DMXL1: variants seen among roughly 807,000 people sequenced by gnomAD.
DMXL1 encodes the protein dmX-like protein 1.
In DMXL1, 99 loss-of-function variants were observed where a neutral mutation model predicts 319.2. The ratio of observed to expected loss-of-function variants is 0.31; its 90% CI spans 0.26 to 0.37. DMXL1 has a LOEUF of 0.37. Ranked by LOEUF, DMXL1 falls within the 10% of genes least tolerant of loss-of-function variation. DMXL1 has a pLI of 1.00. For synonymous variants in DMXL1, 1,385 were observed against 1,235.2 expected, an observed-to-expected ratio of 1.12 and a Z score of -2.54; for missense variants, 3,745 against 3,595.6, an observed-to-expected ratio of 1.04 and a Z score of -1.06.
chr5:119,089,299 T>TGC (rs1561549898), intron 1 of DMXL1, among the ~76,000 whole-genome samples: 45 of 84,702 alleles, frequency 5.3e-4, no homozygotes, highest in Admixed American at 4.3e-3. Context: ...TATATTTTTT[T>TGC]TTTTTTTTTT....
In DMXL1 at chr5:119,177,340, T is replaced by C. The variant is rs1775996825; in HGVS notation, c.6759-17T>C. 2.8e-6 allele frequency: 4 copies of C among 1,446,808 alleles called. No homozygotes were observed. Among genetic ancestry groups the C allele is most frequent in the Middle Eastern group, 1.8e-4 (1 of 5,542 alleles). The allele number at this position is 1,446,808 out of a possible 1,614,324, so 89.6% of individuals were successfully genotyped here. On this transcript the variant is annotated splice_polypyrimidine_tract_variant and intron_variant, in intron 26 of 43. Coordinates refer to ENST00000539542, the MANE Select transcript of DMXL1 (RefSeq NM_001290321.3). Reference sequence around the variant, plus strand: ...ATAAAATTTATCATAGATTTAAATATTGTTTTTTTCTCTTAGTTCATTTCA... The same window carrying C: ...ATAAAATTTATCATAGATTTAAATACTGTTTTTTTCTCTTAGTTCATTTCA...
intron 17 of DMXL1, 130 bp from the exon 18 acceptor site, chr5:119,148,608 AC>A: frequency 2.3e-6 from 2 of 857,954 alleles, no homozygotes; most frequent in Non-Finnish European, 1.8e-6. Flanking sequence ...TAAAAAACAT[AC>A]AGCCAAGATG....
intron 4 of DMXL1, among the ~76,000 whole-genome samples, chr5:119,109,074 T>G (rs1300357214): frequency 2.0e-4 from 30 of 152,194 alleles, no homozygotes; most frequent in Admixed American, 2.0e-3. Flanking sequence ...GTGCTGGGAT[T>G]GCAGGTGTGA....
chr5:119,116,267 T>C lies in DMXL1; in HGVS notation c.674T>C (p.Phe225Ser). The change falls in exon 7 of 44, where the codon TTT becomes TCT. Residue 225 changes from phenylalanine (F) to serine (S), a missense_variant. Phe to Ser is a radical substitution (Grantham distance 155). Coordinates refer to ENST00000539542, the MANE Select transcript of DMXL1 (RefSeq NM_001290321.3). The part of the protein sequence containing the change: ...KQSQGEIDFS[F>S]VYLAHPRAVN... ...TCCCAAGGAGAAATTGACTTTTCTTTTGTGTATCTGGCCCATCCTCGAGCA... is the reference window on the plus strand; with the variant it reads ...TCCCAAGGAGAAATTGACTTTTCTTCTGTGTATCTGGCCCATCCTCGAGCA... The C allele has an allele frequency of 6.2e-7, 1 of 1,614,094 alleles. No homozygotes were observed. Among genetic ancestry groups the C allele is most frequent in the South Asian group, 1.1e-5 (1 of 91,070 alleles).
intron 18 of DMXL1, 140 bp downstream of exon 18, chr5:119,150,561 G>C (rs929225070): frequency 3.2e-6 from 3 of 925,498 alleles, no homozygotes; most frequent in Admixed American, 6.2e-5. Flanking sequence ...GGCTGAGGCA[G>C]GAGGATCACT....
At chr5:119,144,132 A>T (rs1213141592) in intron 14 of DMXL1, among the ~76,000 whole-genome samples, 1 of 151,826 alleles carries the variant, frequency 6.6e-6, no homozygotes, top group Non-Finnish European at 1.5e-5. Flanking sequence ...TATCCTCATT[A>T]CTATATTCAC....
Position 119,129,213 on chromosome 5 carries a change from A to T in DMXL1, c.1105A>T (p.Ile369Phe). Residue 369 changes from isoleucine to phenylalanine, a missense_variant and splice_region_variant, in exon 10 of 44, where the codon ATT (isoleucine) becomes TTT (phenylalanine). This residue lies in a region of DMXL1 where 2,096 missense variants were observed against 1,985.4 expected (regional missense o/e 1.06). Transcript: ENST00000539542. ...IAASINPATD[I>F]PLLPSITSLS... Reference sequence around the variant, plus strand: ...TTTATCTTTTTTTTCTCTTATAGACATTCCACTTCTTCCATCTATTACATC... The same window carrying T: ...TTTATCTTTTTTTTCTCTTATAGACTTTCCACTTCTTCCATCTATTACATC... The T allele has an allele frequency of 6.3e-7, 1 of 1,599,094 alleles. No homozygotes were observed. The highest frequency in any genetic ancestry group is 8.5e-7 in the Non-Finnish European group (1 of 1,171,564).
chr5:119,172,332 C>T lies in DMXL1; in HGVS notation c.6681+363C>T, dbSNP rs184084410. On this transcript the variant is annotated intron_variant, in intron 25 of 43. Transcript: ENST00000539542. ...TAATGTAAAGGCACTAATATGTAAA[C>T]GAAGTTTTCCCTTGTTAATACTAAA... Among the ~76,000 whole-genome samples the T allele has an allele frequency of 3.7e-4, 57 of 152,170 alleles. No individual in the cohort carries two copies. The East Asian group carries it at 8.9e-3, about 24-fold the overall frequency.
chr5:119,072,978 GA>G (rs1448442923), intron 1 of DMXL1, among the ~76,000 whole-genome samples: 4 of 152,158 alleles, frequency 2.6e-5, no homozygotes, highest in African/African-American at 9.7e-5. Context: ...TTCCTAGTGG[GA>G]AATTATAGGA....
chr5:119,146,926 T>G lies in DMXL1; in HGVS notation c.2659T>G (p.Leu887Val), dbSNP rs766980914. 6 of 1,612,512 alleles carry G rather than the reference T, an allele frequency of 3.7e-6. No homozygotes were observed. Among genetic ancestry groups the G allele is most frequent in the Non-Finnish European group, 5.1e-6 (6 of 1,179,152 alleles). Residue 887 changes from leucine (L) to valine (V), a missense_variant, in exon 16 of 44, where the codon TTA (leucine) becomes GTA (valine). Transcript: ENST00000539542. ...DNRSLLHMWN[L>V]HLKSIPVSLD... ...CCGTTCACTGTTACACATGTGGAATTTACATCTAAAGTCAATTCCTGTCTC... is the reference window on the plus strand; with the variant it reads ...CCGTTCACTGTTACACATGTGGAATGTACATCTAAAGTCAATTCCTGTCTC...
At chr5:119,122,337 A>G (rs1344293359) in intron 9 of DMXL1, among the ~76,000 whole-genome samples, 34 of 139,106 alleles carry the variant, frequency 2.4e-4, no homozygotes, top group African/African-American at 7.7e-4. Context: ...TCCCTCCCGG[A>G]GGGGGCGGCT....
At chr5:119,159,078 T>C (rs941197890) in intron 19 of DMXL1, among the ~76,000 whole-genome samples, 1 of 152,202 alleles carries the variant, frequency 6.6e-6, no homozygotes, top group South Asian at 2.1e-4. Flanking sequence ...TTTAGTAGAA[T>C]TCACCGGTGA....
rs1205429502 is a variant in DMXL1, at chr5:119,103,852, G to A, written c.286-1328G>A. 3.9e-5 allele frequency among the ~76,000 whole-genome samples: 6 copies of A among 152,264 alleles called. No individual in the cohort carries two copies. The East Asian group carries it at 1.2e-3, about 29-fold the overall frequency. ...TAAAATGCCTTTATTGGGAAGGATA[G>A]AATAGAGAATTTCAATGTTTGCCCA... On this transcript the variant is annotated intron_variant, in intron 3 of 43. Transcript: ENST00000539542.
In DMXL1 at chr5:119,225,183, T is replaced by C. The variant is rs566824087; in HGVS notation, c.8338+414T>C. Among the ~76,000 whole-genome samples the C allele has an allele frequency of 2.6e-5, 4 of 152,164 alleles. No homozygotes were observed. In the East Asian group the frequency reaches 7.7e-4, roughly 29 times the overall value. The stretch of plus-strand genomic sequence containing the variant: ...TACATAAGCCACAACCGTACCTCAA[T>C]TATTTATTACCTCATCGTACTCAGT... On this transcript the variant is annotated intron_variant, in intron 38 of 43. Transcript: ENST00000539542.
intron 2 of DMXL1, among the ~76,000 whole-genome samples, chr5:119,099,888 C>G (rs1432448031): frequency 2.0e-5 from 3 of 152,096 alleles, no homozygotes; most frequent in East Asian, 1.9e-4. Flanking sequence ...GTAGTCCTAG[C>G]TACCCGGGAA....
chr5:119,229,600 T>A (rs1158948894), intron 38 of DMXL1, among the ~76,000 whole-genome samples: 1 of 152,202 alleles, frequency 6.6e-6, no homozygotes. Context: ...AGGACAAAAA[T>A]TATTCTTTTT....
chr5:119,114,948 G>A (rs1760511938), intron 6 of DMXL1, among the ~76,000 whole-genome samples: 1 of 152,146 alleles, frequency 6.6e-6, no homozygotes, highest in East Asian at 1.9e-4. Context: ...GATTATAGGC[G>A]TGAGCCACCA....
At chr5:119,094,413 C>T (rs908738481) in intron 1 of DMXL1, among the ~76,000 whole-genome samples, 1 of 152,226 alleles carries the variant, frequency 6.6e-6, no homozygotes, top group Non-Finnish European at 1.5e-5. Context: ...CTAAATATTT[C>T]CAGCCCGCTG....
At chr5:119,178,719 A>G (rs1776276927) in intron 28 of DMXL1, 1 of 918,616 alleles carries the variant, frequency 1.1e-6, no homozygotes, top group African/African-American at 1.8e-5. Context: ...ATAGGCTTTT[A>G]TCATTCAGCT....
Sources: allele counts gnomAD v4.1 joint callset (sites outside exome capture counted in the v4.1 genomes callset), GRCh38; gene constraint gnomAD v4.1.1; regional missense constraint gnomAD v4.1.1; transcripts MANE v1.5; gene names NCBI Gene and HGNC (gene_info 2026-07-23, HGNC 2026-07-21).